NRXN3: variants seen among roughly 807,000 people sequenced by gnomAD.
The protein encoded by NRXN3 is neurexin III.
In NRXN3, 32 loss-of-function variants were observed where a neutral mutation model predicts 137.6. The ratio of observed to expected loss-of-function variants is 0.23; its 90% confidence interval spans 0.18 to 0.31. NRXN3 has a LOEUF of 0.31. Among genes scored for constraint, NRXN3 ranks in the 10% least tolerant of loss-of-function variants. NRXN3 has a pLI of 1.00. For synonymous variants in NRXN3, 798 were observed against 784.5 expected, an observed-to-expected ratio of 1.02 and a Z score of -0.29; for missense variants, 1,574 against 2,062.5, an observed-to-expected ratio of 0.76 and a Z score of 4.59.
At chr14:79,287,605 G>T (rs949780921) in intron 15 of NRXN3, among the ~76,000 whole-genome samples, 1 of 152,034 alleles carries the variant, frequency 6.6e-6, no homozygotes, top group Non-Finnish European at 1.5e-5. Context: ...GGCTTACTAG[G>T]GCTCAAAGTT....
chr14:79,334,163 A>G (rs1048225254), intron 15 of NRXN3, among the ~76,000 whole-genome samples: 8 of 152,208 alleles, frequency 5.3e-5, no homozygotes, highest in African/African-American at 1.7e-4. Context: ...CCTTTATGGA[A>G]TGGCATTCTA....
intron 5 of NRXN3, among the ~76,000 whole-genome samples, chr14:78,649,563 C>CT (rs11366920): frequency 0.043 from 5,430 of 125,098 alleles, 305 homozygotes; most frequent in Admixed American, 0.14. Flanking sequence ...CCAAAAAATG[C>CT]TTTTTTTTTT....
chr14:79,175,182 G>C (rs1374069594), intron 15 of NRXN3, among the ~76,000 whole-genome samples: 1 of 152,050 alleles, frequency 6.6e-6, no homozygotes, highest in Non-Finnish European at 1.5e-5. Context: ...GGGTTTCACT[G>C]TGTTAGCCAG....
intron 4 of NRXN3, among the ~76,000 whole-genome samples, chr14:78,426,626 G>C (rs2093676052): frequency 6.6e-6 from 1 of 152,140 alleles, no homozygotes; most frequent in African/African-American, 2.4e-5. Context: ...AGGGCAAACA[G>C]TGTGAGGTAA....
At chr14:79,694,046 A>T (rs542850697) in intron 18 of NRXN3, among the ~76,000 whole-genome samples, 1 of 152,118 alleles carries the variant, frequency 6.6e-6, no homozygotes, top group African/African-American at 2.4e-5. Context: ...ATGAATATAA[A>T]GGATAAAGAT....
At chr14:78,567,197 G>C (rs1193825310) in intron 4 of NRXN3, among the ~76,000 whole-genome samples, 1 of 152,250 alleles carries the variant, frequency 6.6e-6, no homozygotes, top group Non-Finnish European at 1.5e-5. Flanking sequence ...AACCATCATA[G>C]AATGGGGATT....
intron 15 of NRXN3, among the ~76,000 whole-genome samples, chr14:79,229,207 A>C (rs1401408801): frequency 6.6e-6 from 1 of 152,180 alleles, no homozygotes; most frequent in Non-Finnish European, 1.5e-5. Flanking sequence ...CATCTAAAAT[A>C]GTATGTTCTC....
intron 15 of NRXN3, among the ~76,000 whole-genome samples, chr14:79,346,794 C>T (rs1321202585): frequency 6.6e-6 from 1 of 152,056 alleles, no homozygotes; most frequent in African/African-American, 2.4e-5. Flanking sequence ...CTTGATTGCC[C>T]CATCCAAAAA....
intron 8 of NRXN3, among the ~76,000 whole-genome samples, chr14:78,719,130 C>A (rs1175625124): frequency 4.6e-5 from 7 of 152,204 alleles, no homozygotes; most frequent in Admixed American, 2.6e-4. Context: ...AAATTTTAGA[C>A]CATTGCTGAA....
At chr14:78,833,396 T>C (rs10148547) in intron 10 of NRXN3, among the ~76,000 whole-genome samples, 6,800 of 152,186 alleles carry the variant, frequency 0.045, 373 homozygotes, top group African/African-American at 0.13. Context: ...CCTGTTGTCA[T>C]CTCTAGGGGA....
At chr14:78,960,926 T>A (rs1423719907) in intron 11 of NRXN3, among the ~76,000 whole-genome samples, 1 of 152,028 alleles carries the variant, frequency 6.6e-6, no homozygotes, top group South Asian at 2.1e-4. Flanking sequence ...CAAAATGAAA[T>A]GGAGTTCTTT....
At chr14:78,934,744 G>C (rs1361516554) in intron 10 of NRXN3, among the ~76,000 whole-genome samples, 1 of 152,040 alleles carries the variant, frequency 6.6e-6, no homozygotes, top group Non-Finnish European at 1.5e-5. Flanking sequence ...CTCACTCATA[G>C]GTGGGAATTG....
At position 78,297,815 on chromosome 14, in the gene NRXN3, T is replaced by G. The variant is rs2076494651; in HGVS notation, c.728-16T>G. ...TCCCCACTCCTCTTCCCTTTCTCCC[T>G]GTTTCTCTTCCTCAGGCCTCTCCCA... is the stretch of plus-strand genomic sequence containing the variant. On this transcript the variant is annotated splice_polypyrimidine_tract_variant and intron_variant, in intron 3 of 20. Transcript: ENST00000335750. 1 of 1,529,258 alleles carries G rather than the reference T, an allele frequency of 6.5e-7. No individual in the cohort carries two copies. Among genetic ancestry groups the G allele is most frequent in the East Asian group, 2.4e-5 (1 of 40,886 alleles). The allele number at this position is 1,529,258 out of a possible 1,614,324, so 94.7% of individuals were successfully genotyped here.
intron 15 of NRXN3, among the ~76,000 whole-genome samples, chr14:79,402,100 AT>A (rs947964956): frequency 6.6e-5 from 10 of 150,734 alleles, no homozygotes; most frequent in Non-Finnish European, 1.3e-4. Flanking sequence ...TTTTTATTTT[AT>A]TTTTTTTTAT....
intron 16 of NRXN3, among the ~76,000 whole-genome samples, chr14:79,625,202 TA>T (rs1160979082): frequency 1.3e-5 from 2 of 152,218 alleles, no homozygotes; most frequent in East Asian, 3.8e-4. Flanking sequence ...TTTTTAAGAC[TA>T]AATAATATGC....
At chr14:79,553,774 G>A (rs948561154) in intron 16 of NRXN3, among the ~76,000 whole-genome samples, 1 of 152,134 alleles carries the variant, frequency 6.6e-6, no homozygotes, top group African/African-American at 2.4e-5. Context: ...CCCTCACTGA[G>A]TCCCCATCTT....
chr14:78,666,735 C>G (rs1274608494), intron 6 of NRXN3, among the ~76,000 whole-genome samples: 1 of 152,178 alleles, frequency 6.6e-6, no homozygotes, highest in Non-Finnish European at 1.5e-5. Flanking sequence ...CTTCGCCTAT[C>G]ATGGTGTCAT....
intron 15 of NRXN3, among the ~76,000 whole-genome samples, chr14:79,389,112 T>A (rs545910765): frequency 6.6e-6 from 1 of 152,182 alleles, no homozygotes; most frequent in Admixed American, 6.5e-5. Context: ...ATGCAGGGGG[T>A]TATTTCATGT....
intron 4 of NRXN3, among the ~76,000 whole-genome samples, chr14:78,563,070 A>G (rs908358814): frequency 1.3e-4 from 20 of 152,314 alleles, no homozygotes; most frequent in Non-Finnish European, 2.2e-4. Context: ...AGCCAGAGAG[A>G]ACCTATGCAT....
Sources: gnomAD v4.1 joint callset for allele counts (sites outside exome capture counted in the v4.1 genomes callset) on GRCh38, gnomAD v4.1.1 for gene constraint, MANE v1.5 for transcripts, NCBI Gene and HGNC (gene_info 2026-07-23, HGNC 2026-07-21) for gene names.